Variants in SPTBN1 observed in about 807,000 individuals in gnomAD.
SPTBN1 encodes spectrin beta, non-erythrocytic 1.
Under a neutral mutation model 266.4 loss-of-function variants are expected in SPTBN1, and 32 were observed. That is an observed-to-expected ratio of 0.12 (90% CI 0.09 to 0.16). SPTBN1 has a LOEUF of 0.16. Among genes scored for constraint, SPTBN1 ranks in the 10% least tolerant of loss-of-function variants. The probability of loss-of-function intolerance (pLI) is 1.00; values close to 1 mark genes in which losing one functional copy is unlikely to be tolerated. For synonymous variants in SPTBN1, 1,336 were observed against 1,162.2 expected (o/e 1.15, Z -3.04); for missense variants, 2,296 against 3,067.1 (o/e 0.75, Z 5.94).
chr2:54,657,904 T>G lies in SPTBN1; in HGVS notation c.6101T>G (p.Leu2034Arg). The G allele has an allele frequency of 6.2e-7, 1 of 1,614,252 alleles. No homozygotes were observed. Among genetic ancestry groups the G allele is most frequent in the Non-Finnish European group, 8.5e-7 (1 of 1,180,036 alleles). Reference sequence around the variant, plus strand: ...GCCAGTGTGGCCGAGGCCTGGCTGCTTGGACAGGAGCCGTACCTATCCAGC... The same window carrying G: ...GCCAGTGTGGCCGAGGCCTGGCTGCGTGGACAGGAGCCGTACCTATCCAGC... ...RDASVAEAWL[L>R]GQEPYLSSRE... is the part of the protein sequence containing the mutation. Residue 2034 changes from leucine (L) to arginine (R), a missense_variant, in exon 30 of 36, where the codon CTT becomes CGT. Leu to Arg is a moderately radical substitution (Grantham distance 102, BLOSUM62 -2). This residue lies in a region of SPTBN1 where 644 missense variants were observed against 745.3 expected (regional missense o/e 0.86). Coordinates refer to ENST00000356805, the MANE Select transcript of SPTBN1 (RefSeq NM_003128.3).
chr2:54,590,271 C>T (rs1404299448), intron 2 of SPTBN1, among the ~76,000 whole-genome samples: 1 of 152,184 alleles, frequency 6.6e-6, no homozygotes, highest in East Asian at 1.9e-4. Flanking sequence ...ATTTTTAGTG[C>T]TATACAATGA....
intron 1 of SPTBN1, among the ~76,000 whole-genome samples, chr2:54,499,774 T>G (rs140418372): frequency 6.6e-6 from 1 of 152,334 alleles, no homozygotes; most frequent in Non-Finnish European, 1.5e-5. Context: ...CTGTTATTAC[T>G]TTGCTTTCCC....
chr2:54,557,910 G>A, intron 2 of SPTBN1: 1 of 984,680 alleles, frequency 1.0e-6, no homozygotes, highest in Non-Finnish European at 1.2e-6. Context: ...CCGGGCCGCC[G>A]CCGCGTGGTT....
In SPTBN1 at chr2:54,645,188, A is replaced by T. The variant is rs1310637691; in HGVS notation, c.4270-41A>T. The T allele has an allele frequency of 6.2e-7, 1 of 1,609,250 alleles. No homozygotes were observed. The highest frequency in any genetic ancestry group is 8.5e-7 in the Non-Finnish European group (1 of 1,176,190). On this transcript the variant is annotated intron_variant, in intron 20 of 35. Transcript: ENST00000356805. The surrounding 1 kb of genome is among the most constrained non-coding windows in gnomAD (Gnocchi z 4.3). ...TGCTTAGAGCCAGTCACTGCAAAAG[A>T]TAGTCTGTGCTGAGCGCTGAGGCTG...
At chr2:54,634,958 T>A (rs1430129280) in intron 17 of SPTBN1, among the ~76,000 whole-genome samples, 1 of 152,106 alleles carries the variant, frequency 6.6e-6, no homozygotes, top group Non-Finnish European at 1.5e-5. Context: ...CACAGCACAG[T>A]TCATGGGGAG....
chr2:54,664,937 A>G lies in SPTBN1; in HGVS notation c.6659+246A>G, dbSNP rs1681277273. On this transcript the variant is annotated intron_variant, in intron 33 of 35. Transcript: ENST00000356805. This position sits in a 1 kb window ranked among gnomAD's most constrained non-coding sequence, Gnocchi z 5.6. ...GAAGGGGCTTTAGTAGTTCATCTAGAGAAGGAATTTGCTAGATTGAGACTG... is the reference window on the plus strand; with the variant it reads ...GAAGGGGCTTTAGTAGTTCATCTAGGGAAGGAATTTGCTAGATTGAGACTG... 3 of 489,050 alleles carry G rather than the reference A, an allele frequency of 6.1e-6. No homozygotes were observed. The highest frequency in any genetic ancestry group is 1.1e-5 in the Non-Finnish European group (3 of 271,894). 30.3% of individuals were successfully genotyped at this position (489,050 alleles called of 1,614,324 possible). A position where few individuals can be genotyped will look rare whatever the true frequency, so the allele number is the denominator to read the frequency against.
chr2:54,582,002 TCAG>T (rs1674946467), intron 2 of SPTBN1, among the ~76,000 whole-genome samples: 1 of 152,064 alleles, frequency 6.6e-6, no homozygotes. Context: ...CTGTAAATTA[TCAG>T]CACCGAGAAT....
At chr2:54,461,992 C>G (rs2103796714) in intron 1 of SPTBN1, among the ~76,000 whole-genome samples, 1 of 152,262 alleles carries the variant, frequency 6.6e-6, no homozygotes, top group East Asian at 1.9e-4. Context: ...TTGGAAAGAG[C>G]ATTCGTTTTG....
chr2:54,510,397 G>A (rs901083867), intron 1 of SPTBN1, among the ~76,000 whole-genome samples: 8 of 152,184 alleles, frequency 5.3e-5, no homozygotes, highest in African/African-American at 1.9e-4. Context: ...AATTTGGAAG[G>A]TGAGCACAAT....
rs1669211748 is a variant in SPTBN1, at chr2:54,500,706, CTAGCTAATTTTT to C, written c.-47-25665_-47-25654del. The stretch of plus-strand genomic sequence containing the variant: ...GGACTACAGATGCATGCCACCACGC[CTAGCTAATTTTT>C]GTATAGATGGGATTTTGCCATGTTG... On this transcript the variant is annotated intron_variant, in intron 1 of 35. Coordinates refer to ENST00000356805, the MANE Select transcript of SPTBN1 (RefSeq NM_003128.3). Among the ~76,000 whole-genome samples the C allele has an allele frequency of 1.5e-4, 23 of 152,258 alleles. No homozygotes were observed. In the South Asian group the frequency reaches 4.6e-3, roughly 30 times the overall value.
chr2:54,625,941 G>C lies in SPTBN1; in HGVS notation c.1351G>C (p.Gly451Arg). 1 of 1,613,128 alleles carries C rather than the reference G, an allele frequency of 6.2e-7. No homozygotes were observed. Among genetic ancestry groups the C allele is most frequent in the Non-Finnish European group, 8.5e-7 (1 of 1,179,190 alleles). The change falls in exon 12 of 36, where the codon GGG becomes CGG. Residue 451 changes from glycine (G) to arginine (R), a missense_variant. Physicochemically the swap from Gly to Arg is moderately radical, Grantham distance 125. Transcript: ENST00000356805. ...NQRLVSQDNF[G>R]FDLPAVEAAT... ...TTCCGTTTCTCTGTAGGACAACTTT[G>C]GGTTTGACCTTCCTGCAGTTGAGGC...
At chr2:54,499,025 C>T (rs1391976596) in intron 1 of SPTBN1, among the ~76,000 whole-genome samples, 1 of 152,076 alleles carries the variant, frequency 6.6e-6, no homozygotes, top group Non-Finnish European at 1.5e-5. Context: ...TCACCCTTCA[C>T]CTCCTGTTGG....
At chr2:54,480,102 C>G (rs7602152) in intron 1 of SPTBN1, among the ~76,000 whole-genome samples, 89 of 152,284 alleles carry the variant, frequency 5.8e-4, no homozygotes, top group African/African-American at 1.7e-3. Context: ...TTTTCAGCTA[C>G]GTGTATATGT....
intron 32 of SPTBN1, chr2:54,661,316 C>T: frequency 1.0e-6 from 1 of 985,862 alleles, no homozygotes; most frequent in South Asian, 4.7e-5. Flanking sequence ...TACATCAAAA[C>T]CTTGTGAGAC....
At chr2:54,564,645 G>T (rs1415331118) in intron 2 of SPTBN1, among the ~76,000 whole-genome samples, 2 of 152,142 alleles carry the variant, frequency 1.3e-5, no homozygotes, top group African/African-American at 2.4e-5. Context: ...TGCCCTCTTG[G>T]TTTCTTCTGC....
chr2:54,558,048 T>G lies in SPTBN1; in HGVS notation c.148+31482T>G. 1.0e-6 allele frequency: 1 copy of G among 984,940 alleles called. No individual in the cohort carries two copies. The highest frequency in any genetic ancestry group is 1.2e-6 in the Non-Finnish European group (1 of 829,770). 61.0% of individuals were successfully genotyped at this position (984,940 alleles called of 1,614,324 possible). Reference sequence around the variant, plus strand: ...GCTCTTCACTCTCCAGGCCGTCCCGTGGGCGCGCTAGCCTTTTCAAGTGAT... The same window carrying G: ...GCTCTTCACTCTCCAGGCCGTCCCGGGGGCGCGCTAGCCTTTTCAAGTGAT... On this transcript the variant is annotated intron_variant, in intron 2 of 35. Transcript: ENST00000356805. The surrounding 1 kb of genome is among the most constrained non-coding windows in gnomAD (Gnocchi z 4.6).
intron 2 of SPTBN1, among the ~76,000 whole-genome samples, chr2:54,593,777 G>A (rs1675843360): frequency 1.3e-5 from 2 of 148,536 alleles, no homozygotes; most frequent in African/African-American, 4.9e-5. Context: ...GCGTTAGTTA[G>A]GATGGTGAGA....
In SPTBN1 at chr2:54,622,492, G is replaced by A; in HGVS notation, c.1064+5G>A. On this transcript the variant is annotated splice_donor_5th_base_variant and intron_variant, in intron 9 of 35. Transcript: ENST00000356805. ...CACTGTGGAGAAACCACCCAAGTAA[G>A]ATGCATATTGTAGTGTGATCATTAA... 1 of 1,613,612 alleles carries A rather than the reference G, an allele frequency of 6.2e-7. No homozygotes were observed. Among genetic ancestry groups the A allele is most frequent in the Middle Eastern group, 1.7e-4 (1 of 6,060 alleles).
rs187446640 is a variant in SPTBN1, at chr2:54,472,155, G to C, written c.-48+15637G>C. On this transcript the variant is annotated intron_variant, in intron 1 of 35. Coordinates refer to ENST00000356805, the MANE Select transcript of SPTBN1 (RefSeq NM_003128.3). ...CCATTCTCCTGCCTCAGCCTCCTGAGTAGCTGGGACTACAGGCACCCACCA... is the reference window on the plus strand; with the variant it reads ...CCATTCTCCTGCCTCAGCCTCCTGACTAGCTGGGACTACAGGCACCCACCA... 6.5e-3 allele frequency among the ~76,000 whole-genome samples: 977 copies of C among 149,252 alleles called. 13 individuals are homozygous for C. Among genetic ancestry groups the C allele is most frequent in the African/African-American group, 0.023 (950 of 40,436 alleles).
Sources: gnomAD v4.1 joint callset for allele counts (sites outside exome capture counted in the v4.1 genomes callset) on GRCh38, gnomAD v4.1.1 for gene constraint, gnomAD v4.1.1 regional missense constraint, Gnocchi (gnomAD v3.1) non-coding constraint, MANE v1.5 for transcripts, NCBI Gene and HGNC (gene_info 2026-07-23, HGNC 2026-07-21) for gene names.